The following CTNNA3 variants were observed in gnomAD, a reference collection of about 807,000 sequenced individuals.
CTNNA3 encodes the protein catenin alpha-3.
In CTNNA3, 76 loss-of-function variants were observed where a neutral mutation model predicts 95.7. The observed-to-expected ratio is 0.79, with a 90% CI of 0.66 to 0.96. The LOEUF (loss-of-function observed/expected upper bound fraction) is 0.96, where lower values mean the gene tolerates loss of function less well. CTNNA3 is among the 40% of genes least tolerant of loss of function. The probability of loss-of-function intolerance (pLI) is 0.00; values close to 1 mark genes in which losing one functional copy is unlikely to be tolerated. For synonymous variants in CTNNA3, 431 were observed against 374.4 expected (o/e 1.15, Z -1.74); for missense variants, 1,191 against 1,089.8 (o/e 1.09, Z -1.31).
At chr10:66,868,149 G>C (rs765442675) in intron 7 of CTNNA3, among the ~76,000 whole-genome samples, 4 of 149,632 alleles carry the variant, frequency 2.7e-5, no homozygotes, top group Non-Finnish European at 5.9e-5. Context: ...CTGAGGTCAG[G>C]AGTTCAAGAC....
chr10:66,427,237 C>T (rs2132653658), intron 11 of CTNNA3, among the ~76,000 whole-genome samples: 1 of 152,082 alleles, frequency 6.6e-6, no homozygotes, highest in African/African-American at 2.4e-5. Context: ...CATTGGAGCC[C>T]AGGATACCTT....
At chr10:67,396,971 C>T (rs1025554112) in intron 5 of CTNNA3, among the ~76,000 whole-genome samples, 6 of 152,204 alleles carry the variant, frequency 3.9e-5, no homozygotes, top group Non-Finnish European at 7.4e-5. Context: ...CATTCTGAAC[C>T]GTGAGTCAAT....
chr10:66,383,354 A>G (rs1245128482), intron 11 of CTNNA3, among the ~76,000 whole-genome samples: 1 of 152,222 alleles, frequency 6.6e-6, no homozygotes, highest in African/African-American at 2.4e-5. Flanking sequence ...CAGTGATTGA[A>G]GATCAAATTA....
chr10:66,440,778 G>GT (rs5785757), intron 11 of CTNNA3, among the ~76,000 whole-genome samples: 58,011 of 151,884 alleles, frequency 0.38, 11,636 homozygotes, highest in African/African-American at 0.5. Context: ...CCTGTGTACA[G>GT]TTTCTTGTTT....
intron 9 of CTNNA3, among the ~76,000 whole-genome samples, chr10:66,758,991 G>A (rs1429859599): frequency 1.3e-5 from 2 of 152,104 alleles, no homozygotes; most frequent in Admixed American, 1.3e-4. Context: ...AATTTTAGCA[G>A]AGAATTTTGC....
chr10:66,869,444 A>G (rs1165958067), intron 7 of CTNNA3, among the ~76,000 whole-genome samples: 1 of 151,930 alleles, frequency 6.6e-6, no homozygotes, highest in Non-Finnish European at 1.5e-5. Flanking sequence ...GTGGTGGTGC[A>G]CACCTGTAAT....
intron 14 of CTNNA3, among the ~76,000 whole-genome samples, chr10:66,093,870 G>A (rs1405863699): frequency 6.6e-6 from 1 of 152,056 alleles, no homozygotes; most frequent in Non-Finnish European, 1.5e-5. Flanking sequence ...CTCTCCTTAT[G>A]TTCTTTCCTA....
At chr10:66,054,071 T>C (rs953958172) in intron 15 of CTNNA3, among the ~76,000 whole-genome samples, 3 of 152,196 alleles carry the variant, frequency 2.0e-5, no homozygotes, top group African/African-American at 7.2e-5. Flanking sequence ...ATTCTTTTTA[T>C]TGTTGAATAA....
At position 66,557,319 on chromosome 10, in the gene CTNNA3, T is replaced by A. The variant is rs186659024; in HGVS notation, c.1375-36546A>T. ...CCATAAACAAGGCCCAATAAAGTTG[T>A]TGACTAAATGACTACTATAAATAAA... On this transcript the variant is annotated intron_variant, in intron 10 of 17. Coordinates refer to ENST00000433211, the MANE Select transcript of CTNNA3 (RefSeq NM_013266.4). 2.9e-3 allele frequency among the ~76,000 whole-genome samples: 443 copies of A among 152,250 alleles called. 1 individual carries two copies. Among genetic ancestry groups the A allele is most frequent in the Non-Finnish European group, 5.4e-3 (364 of 67,986 alleles).
At chr10:66,185,606 A>G (rs1345475675) in intron 13 of CTNNA3, among the ~76,000 whole-genome samples, 2 of 152,040 alleles carry the variant, frequency 1.3e-5, no homozygotes, top group African/African-American at 4.8e-5. Context: ...CCTACGCAAA[A>G]TTTGTCTAAA....
intron 9 of CTNNA3, among the ~76,000 whole-genome samples, chr10:66,631,760 A>T (rs567196788): frequency 0.015 from 889 of 60,716 alleles, 8 homozygotes; most frequent in Middle Eastern, 0.083. Context: ...CTAAATGAAT[A>T]AAAAAAAGCA....
chr10:66,637,369 A>G (rs10997279), intron 9 of CTNNA3, among the ~76,000 whole-genome samples: 37,128 of 152,232 alleles, frequency 0.24, 5,877 homozygotes, highest in East Asian at 0.57. Flanking sequence ...AGCTCCATGC[A>G]CATCAGCCAC....
intron 10 of CTNNA3, among the ~76,000 whole-genome samples, chr10:66,551,695 A>G (rs947475429): frequency 6.6e-6 from 1 of 151,986 alleles, no homozygotes; most frequent in Non-Finnish European, 1.5e-5. Flanking sequence ...AAGAATGTTG[A>G]TATTTTTATT....
chr10:67,254,956 GTGT>G (rs1866275217), intron 5 of CTNNA3, among the ~76,000 whole-genome samples: 1 of 152,166 alleles, frequency 6.6e-6, no homozygotes, highest in African/African-American at 2.4e-5. Flanking sequence ...AAATTTTGAA[GTGT>G]CACTCTAAAA....
chr10:66,055,471 G>A (rs2080062261), intron 15 of CTNNA3, among the ~76,000 whole-genome samples: 1 of 151,772 alleles, frequency 6.6e-6, no homozygotes, highest in Non-Finnish European at 1.5e-5. Flanking sequence ...TTTTATTTGT[G>A]GCTATTGTAA....
At chr10:66,082,149 G>A (rs1373348294) in intron 14 of CTNNA3, among the ~76,000 whole-genome samples, 1 of 151,218 alleles carries the variant, frequency 6.6e-6, no homozygotes, top group African/African-American at 2.4e-5. Context: ...CATAAAAACT[G>A]GCACTGCACC....
At chr10:66,342,505 T>C (rs900615685) in intron 12 of CTNNA3, among the ~76,000 whole-genome samples, 1 of 152,080 alleles carries the variant, frequency 6.6e-6, no homozygotes, top group Non-Finnish European at 1.5e-5. Flanking sequence ...ACATTCTTTG[T>C]ATGCAAATAT....
At chr10:66,778,322 C>G (rs947040932) in intron 7 of CTNNA3, among the ~76,000 whole-genome samples, 2 of 152,128 alleles carry the variant, frequency 1.3e-5, no homozygotes, top group Non-Finnish European at 2.9e-5. Context: ...ATAGCCCCGT[C>G]CTGCTTAAAG....
At chr10:67,611,967 G>A (rs1375750366) in intron 2 of CTNNA3, among the ~76,000 whole-genome samples, 1 of 152,154 alleles carries the variant, frequency 6.6e-6, no homozygotes, top group African/African-American at 2.4e-5. Flanking sequence ...TAAAAACTGT[G>A]ATCTTTCAAA....
Sources: gnomAD v4.1 joint callset for allele counts (sites outside exome capture counted in the v4.1 genomes callset) on GRCh38, gnomAD v4.1.1 for gene constraint, MANE v1.5 for transcripts, NCBI Gene and HGNC (gene_info 2026-07-23, HGNC 2026-07-21) for gene names.